Variants in SLIT1 observed in about 807,000 individuals in gnomAD.
SLIT1 encodes slit guidance ligand 1.
In SLIT1, 66 loss-of-function variants were observed where a neutral mutation model predicts 186.1. That is an observed-to-expected ratio of 0.35 (90% CI 0.29 to 0.44). SLIT1 has a LOEUF of 0.44. SLIT1 is among the 20% of genes least tolerant of loss of function. The probability of loss-of-function intolerance (pLI) is 1.00; values close to 1 mark genes in which losing one functional copy is unlikely to be tolerated. For missense variants in SLIT1, 1,638 were observed against 2,037.4 expected (o/e 0.80, Z 3.77); for synonymous variants, 761 against 833.8 (o/e 0.91, Z 1.50).
At chr10:97,149,597 C>T (rs1388528218) in intron 4 of SLIT1, among the ~76,000 whole-genome samples, 2 of 148,346 alleles carry the variant, frequency 1.3e-5, no homozygotes, top group Non-Finnish European at 3.0e-5. Flanking sequence ...TTCTTGGGCC[C>T]TTCCACACTG....
chr10:97,040,098 C>A lies in SLIT1; in HGVS notation c.2187G>T (p.Leu729=). The change falls in exon 21 of 37, where the codon CTG becomes CTT. Residue 729 remains leucine, a synonymous_variant. Coordinates refer to ENST00000266058, the MANE Select transcript of SLIT1 (RefSeq NM_003061.3). ...ACTCCTGTGGGCACTGTGGGCGGGG[C>A]AGGCAGCCCCCCTCCTCCTGGCCTA... ...CEEGQEEGGC[L]PRPQCPQECA... 2 of 1,586,490 alleles carry A rather than the reference C, an allele frequency of 1.3e-6. No individual in the cohort carries two copies. The highest frequency in any genetic ancestry group is 1.7e-6 in the Non-Finnish European group (2 of 1,167,068).
At chr10:97,126,287 C>T (rs1180976173) in intron 4 of SLIT1, among the ~76,000 whole-genome samples, 2 of 152,206 alleles carry the variant, frequency 1.3e-5, no homozygotes, top group Non-Finnish European at 2.9e-5. Flanking sequence ...GCACATGGGA[C>T]ACGTGGGACA....
At chr10:97,171,160 A>G (rs1000477791) in intron 1 of SLIT1, among the ~76,000 whole-genome samples, 9 of 152,214 alleles carry the variant, frequency 5.9e-5, no homozygotes, top group African/African-American at 2.2e-4. Context: ...TACCCTGGCC[A>G]AGGCTGCGGC....
chr10:97,000,893 G>A lies in SLIT1; in HGVS notation c.*219C>T, dbSNP rs990109283. 7 of 583,222 alleles carry A rather than the reference G, an allele frequency of 1.2e-5. No homozygotes were observed. The highest frequency in any genetic ancestry group is 2.1e-5 in the Non-Finnish European group (7 of 327,298). 36.1% of individuals were successfully genotyped at this position (583,222 alleles called of 1,614,324 possible). A position where few individuals can be genotyped will look rare whatever the true frequency, so the allele number is the denominator to read the frequency against. Reference sequence around the variant, plus strand: ...TTTGTGCAAGGCACTTCCGGAGAGGGCAGCCCGCAGCTCAGGCCTCGCCCA... The same window carrying A: ...TTTGTGCAAGGCACTTCCGGAGAGGACAGCCCGCAGCTCAGGCCTCGCCCA... On this transcript the variant is annotated 3_prime_UTR_variant, in exon 37 of 37. Transcript: ENST00000266058.
chr10:97,164,798 G>A, intron 2 of SLIT1, 21 bp downstream of exon 2: 3 of 1,552,844 alleles, frequency 1.9e-6, no homozygotes, highest in Non-Finnish European at 2.7e-6. Context: ...GGTGGGGTGG[G>A]AGGGAGCACC....
At chr10:97,152,747 A>C (rs1849895642) in intron 4 of SLIT1, among the ~76,000 whole-genome samples, 1 of 152,216 alleles carries the variant, frequency 6.6e-6, no homozygotes, top group African/African-American at 2.4e-5. Flanking sequence ...AAAGCCACCC[A>C]CAGACAATCC....
chr10:97,141,663 C>T lies in SLIT1; in HGVS notation c.413+16155G>A, dbSNP rs963181949. Among the ~76,000 whole-genome samples the T allele has an allele frequency of 1.0e-4, 14 of 133,336 alleles. 1 individual carries two copies. Among genetic ancestry groups the T allele is most frequent in the Middle Eastern group, 3.6e-3 (1 of 280 alleles). 87.5% of individuals were successfully genotyped at this position (133,336 alleles called of 152,430 possible). ...CACTGTATTGCATTGTATTGTATTG[C>T]ATTGCATTGTATCGTATTGTATCGT... On this transcript the variant is annotated intron_variant, in intron 4 of 36. Transcript: ENST00000266058.
At chr10:97,131,811 G>T (rs74748453) in intron 4 of SLIT1, among the ~76,000 whole-genome samples, 15,557 of 152,242 alleles carry the variant, frequency 0.1, 1,112 homozygotes, top group African/African-American at 0.21. Flanking sequence ...ACCGTGCGGA[G>T]CTCTTTGTGT....
At chr10:97,048,488 G>A (rs1848756446) in intron 14 of SLIT1, among the ~76,000 whole-genome samples, 1 of 152,178 alleles carries the variant, frequency 6.6e-6, no homozygotes, top group Non-Finnish European at 1.5e-5. Flanking sequence ...GCATAAAAGA[G>A]AACTGGCTAA....
At chr10:97,157,528 C>T in intron 4 of SLIT1, 1 of 399,584 alleles carries the variant, frequency 2.5e-6, no homozygotes, top group Non-Finnish European at 4.5e-6. Flanking sequence ...CATCACCGTC[C>T]ACAAGCATGC....
chr10:97,080,177 C>T (rs1849089427), intron 4 of SLIT1, among the ~76,000 whole-genome samples: 1 of 152,174 alleles, frequency 6.6e-6, no homozygotes, highest in African/African-American at 2.4e-5. Flanking sequence ...TGGTATCTTA[C>T]ACAATTTAGC....
At chr10:97,053,821 A>G (rs1484941717) in intron 13 of SLIT1, among the ~76,000 whole-genome samples, 2 of 152,158 alleles carry the variant, frequency 1.3e-5, no homozygotes, top group Admixed American at 6.5e-5. Flanking sequence ...GCATAGTCAC[A>G]ACTGCATTAG....
At chr10:97,101,090 C>T (rs1849348415) in intron 4 of SLIT1, among the ~76,000 whole-genome samples, 1 of 152,190 alleles carries the variant, frequency 6.6e-6, no homozygotes, top group South Asian at 2.1e-4. Context: ...CTGTGGAGGC[C>T]ACCCAGCACT....
intron 4 of SLIT1, among the ~76,000 whole-genome samples, chr10:97,114,327 G>T (rs976263223): frequency 6.6e-6 from 1 of 152,156 alleles, no homozygotes; most frequent in Non-Finnish European, 1.5e-5. Flanking sequence ...ACAGCAGAGG[G>T]AATTATTGCA....
At chr10:97,138,899 A>G (rs185103687) in intron 4 of SLIT1, among the ~76,000 whole-genome samples, 2 of 152,310 alleles carry the variant, frequency 1.3e-5, no homozygotes, top group Admixed American at 1.3e-4. Context: ...CAGGCTGCCA[A>G]CCAGCCATCA....
Position 97,047,739 on chromosome 10 carries a change from G to T in SLIT1, c.1585C>A (p.Leu529Met). ...CEANVVECSS[L>M]KLTKIPERIP... ...CGCTCAGGGATCTTGGTGAGCTTCA[G>T]GCTGGAGCACTCCACCACGTTGGCC... Residue 529 changes from leucine (L) to methionine (M), a missense_variant, in exon 16 of 37, where the codon CTG becomes ATG. Leu to Met is a conservative substitution (Grantham distance 15). This residue lies in a region of SLIT1 where 1,245 missense variants were observed against 1,535.3 expected (regional missense o/e 0.81). Transcript: ENST00000266058. The T allele has an allele frequency of 6.2e-7, 1 of 1,614,074 alleles. No individual in the cohort carries two copies. Among genetic ancestry groups the T allele is most frequent in the South Asian group, 1.1e-5 (1 of 91,086 alleles).
chr10:97,107,989 G>A (rs895671413), intron 4 of SLIT1, among the ~76,000 whole-genome samples: 6 of 152,178 alleles, frequency 3.9e-5, no homozygotes, highest in Non-Finnish European at 7.3e-5. Flanking sequence ...CGGTCCGGGG[G>A]CAAAAAGAAT....
At chr10:97,067,613 A>C (rs1206412836) in intron 4 of SLIT1, among the ~76,000 whole-genome samples, 2 of 152,182 alleles carry the variant, frequency 1.3e-5, no homozygotes, top group African/African-American at 4.8e-5. Context: ...CTTGTGCGGC[A>C]GCCCTGGGGG....
intron 4 of SLIT1, among the ~76,000 whole-genome samples, chr10:97,096,991 G>C (rs1049791783): frequency 2.2e-4 from 33 of 152,110 alleles, no homozygotes; most frequent in African/African-American, 7.0e-4. Flanking sequence ...CTGGAGTTCT[G>C]TACCATCCAA....
Sources: gnomAD v4.1 joint callset for allele counts (sites outside exome capture counted in the v4.1 genomes callset) on GRCh38, gnomAD v4.1.1 for gene constraint, gnomAD v4.1.1 regional missense constraint, MANE v1.5 for transcripts, NCBI Gene and HGNC (gene_info 2026-07-23, HGNC 2026-07-21) for gene names.